Variants in KDM4C observed in about 807,000 individuals in gnomAD.
KDM4C encodes lysine-specific demethylase 4C.
A neutral mutation model predicts 129.3 loss-of-function variants in KDM4C; 81 were observed. The ratio of observed to expected loss-of-function variants is 0.63; its 90% CI spans 0.52 to 0.75. The LOEUF is 0.75. KDM4C is among the 30% of genes least tolerant of loss of function. KDM4C has a pLI of 0.00. For synonymous variants in KDM4C, 573 were observed against 456.1 expected, an observed-to-expected ratio of 1.26 and a Z score of -3.26; for missense variants, 1,457 against 1,304.0, an observed-to-expected ratio of 1.12 and a Z score of -1.81.
chr9:7,111,724 G>A (rs1218233325), intron 18 of KDM4C, among the ~76,000 whole-genome samples: 4 of 152,148 alleles, frequency 2.6e-5, no homozygotes, highest in African/African-American at 9.7e-5. Context: ...AGGATGGAGT[G>A]GTGAGTGGGA....
intron 12 of KDM4C, 105 bp from the exon 13 acceptor site, chr9:7,011,593 G>C: frequency 8.6e-6 from 9 of 1,051,296 alleles, no homozygotes; most frequent in Non-Finnish European, 1.3e-5. Context: ...TTGGTTTCCG[G>C]CCTTAATATC....
At chr9:6,957,060 C>G (rs1030789275) in intron 8 of KDM4C, among the ~76,000 whole-genome samples, 1 of 152,138 alleles carries the variant, frequency 6.6e-6, no homozygotes, top group Non-Finnish European at 1.5e-5. Context: ...TGACCCACTT[C>G]ATAGTGGGGC....
intron 19 of KDM4C, among the ~76,000 whole-genome samples, chr9:7,142,640 T>C (rs147307024): frequency 8.4e-4 from 128 of 152,340 alleles, no homozygotes; most frequent in Non-Finnish European, 1.7e-3. Flanking sequence ...ATAAAATGTG[T>C]GTGGTTAGTG....
chr9:7,141,209 A>T (rs1415353336), intron 19 of KDM4C, among the ~76,000 whole-genome samples: 1 of 152,210 alleles, frequency 6.6e-6, no homozygotes, highest in Non-Finnish European at 1.5e-5. Context: ...GAATACAGTC[A>T]TGGGTTCTTA....
chr9:7,107,738 A>G (rs1284710819), intron 18 of KDM4C, among the ~76,000 whole-genome samples: 2 of 152,238 alleles, frequency 1.3e-5, no homozygotes, highest in Non-Finnish European at 2.9e-5. Context: ...ATACCTATTT[A>G]AAAGAGAGGA....
chr9:6,768,577 C>T (rs1425273778), intron 1 of KDM4C, among the ~76,000 whole-genome samples: 1 of 152,040 alleles, frequency 6.6e-6, no homozygotes, highest in Non-Finnish European at 1.5e-5. Context: ...CTTCATATTT[C>T]ACTATTTGTT....
intron 17 of KDM4C, among the ~76,000 whole-genome samples, chr9:7,094,531 T>C (rs1836187791): frequency 1.3e-5 from 2 of 152,058 alleles, no homozygotes; most frequent in Admixed American, 1.3e-4. Context: ...TTTTCTCTTG[T>C]AGCAACCATC....
chr9:6,827,960 A>T (rs1834160621), intron 4 of KDM4C, among the ~76,000 whole-genome samples: 1 of 152,230 alleles, frequency 6.6e-6, no homozygotes, highest in Admixed American at 6.5e-5. Flanking sequence ...GTCACATTGC[A>T]TCCAGAATGT....
chr9:6,795,205 G>C (rs1827491009), intron 2 of KDM4C, among the ~76,000 whole-genome samples: 1 of 152,182 alleles, frequency 6.6e-6, no homozygotes, highest in African/African-American at 2.4e-5. Context: ...AGAGCTTCCA[G>C]AACTATTGGG....
At chr9:6,848,706 C>A (rs1326577371) in intron 4 of KDM4C, among the ~76,000 whole-genome samples, 1 of 152,074 alleles carries the variant, frequency 6.6e-6, no homozygotes. Flanking sequence ...TCTAATCAAA[C>A]CAGAATCTTT....
intron 8 of KDM4C, among the ~76,000 whole-genome samples, chr9:6,919,360 C>T (rs1821012690): frequency 1.4e-5 from 2 of 147,010 alleles, no homozygotes; most frequent in East Asian, 2.0e-4. Flanking sequence ...ATATTATCTC[C>T]CATTATGTAA....
intron 3 of KDM4C, among the ~76,000 whole-genome samples, chr9:6,806,866 C>CTCTCCGTCTCCGTCTCCGTCTCCG (rs529750174): frequency 1.4e-5 from 2 of 143,604 alleles, no homozygotes; most frequent in African/African-American, 5.5e-5. Context: ...GTTGCTCTCC[C>CTCTCCGTCTCCGTCTCCGTCTCCG]TCTCCGTCTC....
At chr9:6,996,679 C>T (rs1819815335) in intron 12 of KDM4C, among the ~76,000 whole-genome samples, 1 of 152,278 alleles carries the variant, frequency 6.6e-6, no homozygotes, top group African/African-American at 2.4e-5. Flanking sequence ...CTCAGCGATT[C>T]CCACCATGTG....
intron 1 of KDM4C, among the ~76,000 whole-genome samples, chr9:6,776,937 C>A (rs547372252): frequency 2.0e-5 from 3 of 152,216 alleles, no homozygotes; most frequent in Non-Finnish European, 4.4e-5. Context: ...CCTACTGTGC[C>A]CATTTGTAGT....
At chr9:6,895,733 C>G (rs968794612) in intron 8 of KDM4C, among the ~76,000 whole-genome samples, 3 of 151,882 alleles carry the variant, frequency 2.0e-5, no homozygotes, top group Non-Finnish European at 4.4e-5. Context: ...GATCTTGTCT[C>G]TACAAAAAAT....
At position 6,986,394 on chromosome 9, in the gene KDM4C, G is replaced by T; in HGVS notation, c.1405G>T (p.Asp469Tyr). The change falls in exon 11 of 22, where the codon GAC becomes TAC. Residue 469 changes from aspartate (D) to tyrosine (Y), a missense_variant. Asp to Tyr is a radical substitution (Grantham distance 160, BLOSUM62 -3). Coordinates refer to ENST00000381309, the MANE Select transcript of KDM4C (RefSeq NM_015061.6). The part of the protein sequence containing the change: ...SVTEDIKTED[D>Y]KAYAYRSVPS... ...AACAGAAGACATAAAAACTGAGGATGACAAAGCTTATGCATATAGAAGTGT... is the reference window on the plus strand; with the variant it reads ...AACAGAAGACATAAAAACTGAGGATTACAAAGCTTATGCATATAGAAGTGT... The T allele has an allele frequency of 6.2e-7, 1 of 1,613,832 alleles. No individual in the cohort carries two copies. The highest frequency in any genetic ancestry group is 8.5e-7 in the Non-Finnish European group (1 of 1,179,776).
chr9:7,163,283 T>G (rs1844003246), intron 19 of KDM4C, among the ~76,000 whole-genome samples: 1 of 152,198 alleles, frequency 6.6e-6, no homozygotes, highest in Non-Finnish European at 1.5e-5. Flanking sequence ...TCATCAGTAT[T>G]AGTAAGCTAG....
chr9:7,042,659 C>T (rs1010318312), intron 15 of KDM4C, among the ~76,000 whole-genome samples: 1 of 152,044 alleles, frequency 6.6e-6, no homozygotes, highest in Non-Finnish European at 1.5e-5. Flanking sequence ...CATACAGGAA[C>T]TTTCTTCTTG....
At chr9:6,878,167 T>C (rs191513634) in intron 5 of KDM4C, among the ~76,000 whole-genome samples, 1 of 152,240 alleles carries the variant, frequency 6.6e-6, no homozygotes. Flanking sequence ...TTTGAGGATT[T>C]AGTTCTACTT....
Sources: allele counts gnomAD v4.1 joint callset (sites outside exome capture counted in the v4.1 genomes callset), GRCh38; gene constraint gnomAD v4.1.1; transcripts MANE v1.5; gene names NCBI Gene and HGNC (gene_info 2026-07-23, HGNC 2026-07-21).